NEK1: variants seen among roughly 807,000 people sequenced by gnomAD.
The protein encoded by NEK1 is NIMA related kinase 1, also known as serine/threonine-protein kinase Nek1.
In NEK1, 137 loss-of-function variants were observed where a neutral mutation model predicts 182.1. The ratio of observed to expected loss-of-function variants is 0.75; its 90% CI spans 0.65 to 0.87. NEK1 has a LOEUF of 0.87. Ranked by LOEUF, NEK1 falls within the 40% of genes least tolerant of loss-of-function variation. The pLI, the probability that NEK1 is intolerant of heterozygous loss-of-function variation, is 0.00. For synonymous variants in NEK1, 513 were observed against 492.2 expected (o/e 1.04, Z -0.56); for missense variants, 1,391 against 1,494.4 (o/e 0.93, Z 1.14).
intron 19 of NEK1, among the ~76,000 whole-genome samples, chr4:169,522,278 A>G (rs1756196035): frequency 6.6e-6 from 1 of 152,140 alleles, no homozygotes; most frequent in Admixed American, 6.5e-5. Context: ...TTTTAAGATA[A>G]TTTAAGATAA....
At chr4:169,546,112 T>C (rs925147261) in intron 18 of NEK1, among the ~76,000 whole-genome samples, 6 of 152,196 alleles carry the variant, frequency 3.9e-5, no homozygotes, top group African/African-American at 1.4e-4. Flanking sequence ...CTTTCTCCTG[T>C]GGGCATTTAG....
intron 2 of NEK1, among the ~76,000 whole-genome samples, chr4:169,603,574 C>T (rs761004628): frequency 6.6e-6 from 1 of 152,134 alleles, no homozygotes; most frequent in Non-Finnish European, 1.5e-5. Flanking sequence ...GTACTTGGCA[C>T]ATATGAACAC....
chr4:169,507,317 C>T (rs557046179), intron 22 of NEK1, among the ~76,000 whole-genome samples, 185 bp from the exon 23 acceptor site: 4 of 151,078 alleles, frequency 2.6e-5, no homozygotes, highest in African/African-American at 9.7e-5. Context: ...CCTTGACATA[C>T]AGCAGGTGTT....
chr4:169,402,866 T>C (rs772730609), intron 32 of NEK1, among the ~76,000 whole-genome samples: 1 of 152,160 alleles, frequency 6.6e-6, no homozygotes, highest in African/African-American at 2.4e-5. Context: ...TAACATGGAA[T>C]GTAAATGGAA....
At chr4:169,523,251 C>A (rs1047605944) in intron 19 of NEK1, among the ~76,000 whole-genome samples, 5 of 152,200 alleles carry the variant, frequency 3.3e-5, no homozygotes, top group Non-Finnish European at 7.3e-5. Context: ...CTATGTTGAA[C>A]TGTGCCCCTC....
rs1734668554 is a variant in NEK1, at chr4:169,417,120, G to A, written c.3222+7433C>T. Among the ~76,000 whole-genome samples the A allele has an allele frequency of 2.0e-5, 3 of 152,126 alleles. No homozygotes were observed. In the South Asian group the frequency reaches 6.2e-4, roughly 32 times the overall value. On this transcript the variant is annotated intron_variant, in intron 31 of 35. Coordinates refer to ENST00000507142, the MANE Select transcript of NEK1 (RefSeq NM_001199397.3). ...TACTAGAAATGGAAATGAAGCCAAG[G>A]CCCCACTTGAAAGACTATAATGAGT...
rs1382169618 is a variant in NEK1, at chr4:169,507,117, G to A, written c.1927C>T (p.Arg643Cys). 8 of 1,595,360 alleles carry A rather than the reference G, an allele frequency of 5.0e-6. No homozygotes were observed. Among genetic ancestry groups the A allele is most frequent in the African/African-American group, 2.7e-5 (2 of 73,762 alleles). The change falls in exon 23 of 36, where the codon CGT (arginine) becomes TGT (cysteine). Residue 643 changes from arginine (R) to cysteine (C), a missense_variant. Physicochemically the swap from Arg to Cys is radical, Grantham distance 180 (BLOSUM62 -3). This residue lies in a region of NEK1 where 1,216 missense variants were observed against 1,277.6 expected (regional missense o/e 0.95). Coordinates refer to ENST00000507142, the MANE Select transcript of NEK1 (RefSeq NM_001199397.3). ...AGTTGTTCTTTTAGTACAGCAGCACGTGCATTTGCATGGGCCTAAAAATAA... is the reference window on the plus strand; with the variant it reads ...AGTTGTTCTTTTAGTACAGCAGCACATGCATTTGCATGGGCCTAAAAATAA... ...IESLKAHANA[R>C]AAVLKEQLER...
intron 23 of NEK1, among the ~76,000 whole-genome samples, chr4:169,491,692 G>T (rs1750125519): frequency 6.6e-6 from 1 of 152,072 alleles, no homozygotes; most frequent in South Asian, 2.1e-4. Flanking sequence ...TGGTAGAGAG[G>T]TATTTATATA....
intron 10 of NEK1, 123 bp downstream of exon 10, chr4:169,585,226 A>T: frequency 6.3e-6 from 4 of 634,884 alleles, no homozygotes. Flanking sequence ...AGTGACACTA[A>T]TGTAGTTTGA....
chr4:169,561,004 CA>C (rs1390607811), intron 16 of NEK1, among the ~76,000 whole-genome samples: 1 of 152,042 alleles, frequency 6.6e-6, no homozygotes, highest in Non-Finnish European at 1.5e-5. Flanking sequence ...AGAGATTTGG[CA>C]AACCACATAT....
intron 12 of NEK1, among the ~76,000 whole-genome samples, chr4:169,571,219 TAAAA>T (rs1331454986): frequency 1.2e-4 from 17 of 142,410 alleles, no homozygotes; most frequent in Admixed American, 1.1e-3. Context: ...AATAAATAAA[TAAAA>T]AGAATAAAAG....
chr4:169,600,596 TAAG>T (rs1408857767), intron 4 of NEK1, among the ~76,000 whole-genome samples: 1 of 152,152 alleles, frequency 6.6e-6, no homozygotes, highest in Non-Finnish European at 1.5e-5. Context: ...GCCACTGGGA[TAAG>T]AATCTATATG....
chr4:169,451,698 T>A (rs1281176553), intron 27 of NEK1, among the ~76,000 whole-genome samples: 1 of 152,088 alleles, frequency 6.6e-6, no homozygotes, highest in African/African-American at 2.4e-5. Flanking sequence ...AGATCTAAAA[T>A]TGACACCCTA....
At chr4:169,571,248 G>A (rs1211131544) in intron 12 of NEK1, among the ~76,000 whole-genome samples, 1 of 151,682 alleles carries the variant, frequency 6.6e-6, no homozygotes, top group Non-Finnish European at 1.5e-5. Context: ...GCCTGGTTGC[G>A]GTGGCTCATA....
Position 169,411,941 on chromosome 4 carries a change from TAAG to T in NEK1, c.3223-5197_3223-5195del, listed in dbSNP as rs531034109. 3.9e-4 allele frequency among the ~76,000 whole-genome samples: 60 copies of T among 152,292 alleles called. 1 individual carries two copies. The South Asian group carries it at 4.1e-3, about 11-fold the overall frequency. Reference sequence around the variant, plus strand: ...TCATACCTGACTAGCAGGCTCCAGATAAGGAGGAGAAATGGGGCTCATGTACAC... The same window carrying T: ...TCATACCTGACTAGCAGGCTCCAGATGAGGAGAAATGGGGCTCATGTACAC... On this transcript the variant is annotated intron_variant, in intron 31 of 35. Coordinates refer to ENST00000507142, the MANE Select transcript of NEK1 (RefSeq NM_001199397.3).
intron 10 of NEK1, among the ~76,000 whole-genome samples, chr4:169,581,411 C>T (rs953688729): frequency 3.3e-5 from 5 of 151,878 alleles, no homozygotes; most frequent in Non-Finnish European, 2.9e-5. Flanking sequence ...GGACCACAGG[C>T]GTGTGTCACC....
chr4:169,548,008 C>T (rs916311254), intron 18 of NEK1, among the ~76,000 whole-genome samples: 2 of 152,154 alleles, frequency 1.3e-5, no homozygotes, highest in South Asian at 2.1e-4. Context: ...CAGTTTTGTT[C>T]CCTTGCTGTC....
intron 8 of NEK1, among the ~76,000 whole-genome samples, chr4:169,587,871 C>A (rs957673139): frequency 6.6e-6 from 1 of 151,846 alleles, no homozygotes. Flanking sequence ...AAAAAATTCA[C>A]GTAAATTCTA....
intron 2 of NEK1, among the ~76,000 whole-genome samples, chr4:169,610,246 C>G (rs545391266): frequency 1.1e-4 from 16 of 152,274 alleles, no homozygotes; most frequent in Admixed American, 2.0e-4. Flanking sequence ...AAATGATCCA[C>G]TTGCCTCGGC....
Sources: gnomAD v4.1 joint callset for allele counts (sites outside exome capture counted in the v4.1 genomes callset) on GRCh38, gnomAD v4.1.1 for gene constraint, gnomAD v4.1.1 regional missense constraint, MANE v1.5 for transcripts, NCBI Gene and HGNC (gene_info 2026-07-23, HGNC 2026-07-21) for gene names.